Variants in SGK3 observed in about 807,000 individuals in gnomAD.
The protein encoded by SGK3 is serum/glucocorticoid regulated kinase family member 3, also known as serine/threonine-protein kinase Sgk3.
In SGK3, 47 loss-of-function variants were observed where a neutral mutation model predicts 68.5. The observed-to-expected ratio is 0.69, with a 90% CI of 0.54 to 0.87. SGK3 has a LOEUF of 0.87. Ranked by LOEUF, SGK3 falls within the 40% of genes least tolerant of loss-of-function variation. The pLI is 0.00. For synonymous variants in SGK3, 181 were observed against 189.1 expected (o/e 0.96, Z 0.35); for missense variants, 479 against 575.5 (o/e 0.83, Z 1.72).
intron 1 of SGK3, among the ~76,000 whole-genome samples, chr8:66,749,101 G>A (rs906149895): frequency 9.9e-5 from 15 of 152,144 alleles, no homozygotes; most frequent in African/African-American, 3.6e-4. Flanking sequence ...GCTTATGAGA[G>A]AAAATATGGT....
intron 16 of SGK3, among the ~76,000 whole-genome samples, chr8:66,852,532 G>C (rs1810337547): frequency 6.6e-6 from 1 of 152,118 alleles, no homozygotes; most frequent in African/African-American, 2.4e-5. Context: ...ACCCGCCTCA[G>C]CCTCCCAGAG....
At chr8:66,840,853 A>G in intron 12 of SGK3, 171 bp from the exon 13 acceptor site, 1 of 361,190 alleles carries the variant, frequency 2.8e-6, no homozygotes, top group Non-Finnish European at 4.9e-6. Flanking sequence ...GAAGCATGAG[A>G]ATCGCTTGAA....
intron 2 of SGK3, 113 bp downstream of exon 2, chr8:66,793,945 A>C (rs1250112132): frequency 3.7e-5 from 40 of 1,074,800 alleles, no homozygotes; most frequent in Non-Finnish European, 5.1e-5. Flanking sequence ...ACATACCTAG[A>C]TTTTACTTCT....
chr8:66,748,769 T>C (rs1805721163), intron 1 of SGK3, among the ~76,000 whole-genome samples: 1 of 152,218 alleles, frequency 6.6e-6, no homozygotes, highest in African/African-American at 2.4e-5. Flanking sequence ...GTCATCACTT[T>C]GAGTTACTTT....
At chr8:66,734,744 C>T (rs1192876386) in intron 1 of SGK3, among the ~76,000 whole-genome samples, 3 of 151,832 alleles carry the variant, frequency 2.0e-5, no homozygotes, top group Non-Finnish European at 2.9e-5. Context: ...GTCAGGAGTT[C>T]GGGACCATCC....
At chr8:66,713,919 A>G (rs1258168000) in intron 1 of SGK3, among the ~76,000 whole-genome samples, 1 of 152,128 alleles carries the variant, frequency 6.6e-6, no homozygotes, top group African/African-American at 2.4e-5. Flanking sequence ...CCACCCCAGC[A>G]TTTCCCTGGG....
chr8:66,788,050 C>T (rs938813108), intron 1 of SGK3, among the ~76,000 whole-genome samples: 5 of 152,228 alleles, frequency 3.3e-5, no homozygotes, highest in Admixed American at 2.0e-4. Flanking sequence ...GCACACTGTG[C>T]ATGTCCATCC....
chr8:66,752,357 C>T lies in SGK3; in HGVS notation c.-122+39524C>T, dbSNP rs145374731. 3.2e-3 allele frequency among the ~76,000 whole-genome samples: 487 copies of T among 152,210 alleles called. 2 individuals carry two copies. The highest frequency in any genetic ancestry group is 5.6e-3 in the Non-Finnish European group (381 of 68,014). Reference sequence around the variant, plus strand: ...GTTAAAACCAAAAGTCTGGGGCAATCTGGGGCAATTGGTCACCTACAGGGC... The same window carrying T: ...GTTAAAACCAAAAGTCTGGGGCAATTTGGGGCAATTGGTCACCTACAGGGC... On this transcript the variant is annotated intron_variant, in intron 1 of 16. Transcript: ENST00000521198.
chr8:66,829,936 A>G (rs1408696137), intron 7 of SGK3, among the ~76,000 whole-genome samples: 1 of 150,712 alleles, frequency 6.6e-6, no homozygotes, highest in African/African-American at 2.4e-5. Context: ...CCAGTGGTGC[A>G]ATCTCCACTC....
chr8:66,793,244 G>A (rs1807537955), intron 1 of SGK3, among the ~76,000 whole-genome samples: 1 of 152,130 alleles, frequency 6.6e-6, no homozygotes, highest in Non-Finnish European at 1.5e-5. Flanking sequence ...AAATAGTTAT[G>A]TACTATACAG....
intron 1 of SGK3, among the ~76,000 whole-genome samples, chr8:66,722,696 G>A (rs1804829483): frequency 6.6e-6 from 1 of 152,142 alleles, no homozygotes; most frequent in Admixed American, 6.6e-5. Flanking sequence ...TTCTTGCATT[G>A]CTATAAAAAA....
intron 15 of SGK3, among the ~76,000 whole-genome samples, chr8:66,850,317 A>G (rs1436986720): frequency 6.6e-6 from 1 of 152,224 alleles, no homozygotes; most frequent in African/African-American, 2.4e-5. Flanking sequence ...AAAAATAGCT[A>G]GAGTCAATAC....
Position 66,859,529 on chromosome 8 carries a change from A to G in SGK3, c.1439A>G (p.Asp480Gly). Residue 480 changes from aspartate to glycine, a missense_variant, in exon 17 of 17, where the codon GAT (aspartate) becomes GGT (glycine). Coordinates refer to ENST00000521198, the MANE Select transcript of SGK3 (RefSeq NM_001033578.3). ...IVNASVLEAD[D>G]AFVGFSYAPP... Reference sequence around the variant, plus strand: ...AATGCCAGTGTATTGGAGGCAGATGATGCATTCGTTGGTTTCTCTTATGCA... The same window carrying G: ...AATGCCAGTGTATTGGAGGCAGATGGTGCATTCGTTGGTTTCTCTTATGCA... 1 of 1,613,564 alleles carries G rather than the reference A, an allele frequency of 6.2e-7. No individual in the cohort carries two copies. Among genetic ancestry groups the G allele is most frequent in the Non-Finnish European group, 8.5e-7 (1 of 1,179,672 alleles).
chr8:66,735,363 A>T (rs866169084), intron 1 of SGK3, among the ~76,000 whole-genome samples: 3 of 152,254 alleles, frequency 2.0e-5, no homozygotes, highest in Non-Finnish European at 4.4e-5. Flanking sequence ...AGAATCTATC[A>T]GGCGTATAGC....
At chr8:66,751,891 G>A (rs543452874) in intron 1 of SGK3, among the ~76,000 whole-genome samples, 11 of 151,982 alleles carry the variant, frequency 7.2e-5, no homozygotes, top group Admixed American at 2.0e-4. Context: ...TCAGCCTCCC[G>A]AGTAACTGGG....
intron 1 of SGK3, among the ~76,000 whole-genome samples, chr8:66,770,989 A>G (rs1806492430): frequency 6.6e-6 from 1 of 152,156 alleles, no homozygotes; most frequent in South Asian, 2.1e-4. Context: ...TTTCTTTCAC[A>G]GCCTGATACC....
chr8:66,756,352 G>A (rs1236938008), intron 1 of SGK3, among the ~76,000 whole-genome samples: 1 of 152,034 alleles, frequency 6.6e-6, no homozygotes, highest in Non-Finnish European at 1.5e-5. Flanking sequence ...AAAAAATAGA[G>A]ATGTGTGTTC....
At chr8:66,801,975 C>G (rs1042359646) in intron 3 of SGK3, among the ~76,000 whole-genome samples, 4 of 152,186 alleles carry the variant, frequency 2.6e-5, no homozygotes, top group African/African-American at 9.6e-5. Flanking sequence ...TCCATGATTA[C>G]TTTCATTCTC....
intron 1 of SGK3, among the ~76,000 whole-genome samples, chr8:66,766,396 G>T (rs1048752403): frequency 1.3e-5 from 2 of 152,048 alleles, no homozygotes; most frequent in East Asian, 3.9e-4. Flanking sequence ...GGTGGCGTGT[G>T]CCTGTAGTCT....
Sources: allele counts gnomAD v4.1 joint callset (sites outside exome capture counted in the v4.1 genomes callset), GRCh38; gene constraint gnomAD v4.1.1; transcripts MANE v1.5; gene names NCBI Gene and HGNC (gene_info 2026-07-23, HGNC 2026-07-21).